The following CACNA2D3 variants were observed in gnomAD, a reference collection of about 807,000 sequenced individuals.
CACNA2D3 encodes the protein calcium voltage-gated channel auxiliary subunit alpha2delta 3.
In CACNA2D3, 60 loss-of-function variants were observed where a neutral mutation model predicts 160.6. The ratio of observed to expected loss-of-function variants is 0.37; its 90% CI spans 0.30 to 0.46. The LOEUF is 0.46. Among genes scored for constraint, CACNA2D3 ranks in the 20% least tolerant of loss-of-function variants. The pLI is 1.00. For synonymous variants in CACNA2D3, 558 were observed against 492.9 expected (o/e 1.13, Z -1.75); for missense variants, 1,205 against 1,365.0 (o/e 0.88, Z 1.85).
intron 22 of CACNA2D3, 55 bp downstream of exon 22, chr3:54,885,381 T>C: frequency 1.9e-6 from 3 of 1,608,164 alleles, no homozygotes; most frequent in Non-Finnish European, 2.6e-6. Flanking sequence ...CCCTCTTTGA[T>C]TCCACATGGT....
intron 4 of CACNA2D3, among the ~76,000 whole-genome samples, chr3:54,452,218 G>T (rs577918815): frequency 6.6e-6 from 1 of 152,290 alleles, no homozygotes; most frequent in Admixed American, 6.5e-5. Context: ...AGGCAAAGGA[G>T]AAACAAAGGA....
chr3:54,759,831 G>A (rs1202691421), intron 12 of CACNA2D3, among the ~76,000 whole-genome samples: 3 of 152,170 alleles, frequency 2.0e-5, no homozygotes, highest in Admixed American at 6.5e-5. Context: ...AGCGAAAGAG[G>A]CAGTGTCTTC....
intron 11 of CACNA2D3, among the ~76,000 whole-genome samples, chr3:54,741,044 C>T (rs1701638431): frequency 6.6e-6 from 1 of 152,096 alleles, no homozygotes; most frequent in Non-Finnish European, 1.5e-5. Flanking sequence ...CAGCTGTGCC[C>T]AAGGCCAAGT....
chr3:54,730,038 C>T (rs1289827674), intron 11 of CACNA2D3, among the ~76,000 whole-genome samples: 2 of 151,112 alleles, frequency 1.3e-5, no homozygotes, highest in African/African-American at 4.9e-5. Flanking sequence ...TTTATGGAGG[C>T]CTTTTTATTT....
chr3:54,926,941 A>C (rs1450614342), intron 27 of CACNA2D3, among the ~76,000 whole-genome samples: 2 of 152,230 alleles, frequency 1.3e-5, no homozygotes, highest in East Asian at 1.9e-4. Flanking sequence ...GTCATTCACC[A>C]AAGTAGCTGT....
chr3:54,995,215 C>A (rs1005135073), intron 31 of CACNA2D3, among the ~76,000 whole-genome samples: 1 of 152,108 alleles, frequency 6.6e-6, no homozygotes, highest in African/African-American at 2.4e-5. Context: ...CTCAGGTGAT[C>A]CAACTGCCTC....
intron 13 of CACNA2D3, among the ~76,000 whole-genome samples, chr3:54,811,021 G>A (rs1526593): frequency 0.038 from 5,765 of 152,192 alleles, 391 homozygotes; most frequent in African/African-American, 0.13. Flanking sequence ...CTGGTGGGAT[G>A]TCCCCGATTG....
intron 2 of CACNA2D3, among the ~76,000 whole-genome samples, chr3:54,180,266 G>T (rs1322825123): frequency 2.0e-5 from 3 of 152,070 alleles, no homozygotes; most frequent in African/African-American, 7.2e-5. Flanking sequence ...CTTTCAGTTG[G>T]CCAGGTGGGA....
chr3:54,308,437 A>G (rs547841176), intron 2 of CACNA2D3, among the ~76,000 whole-genome samples: 22 of 152,132 alleles, frequency 1.4e-4, no homozygotes, highest in Admixed American at 4.6e-4. Context: ...CTCTCCCCCA[A>G]TCGGCTGGCT....
intron 27 of CACNA2D3, among the ~76,000 whole-genome samples, chr3:54,930,834 G>C (rs765520505): frequency 6.6e-6 from 1 of 152,150 alleles, no homozygotes; most frequent in African/African-American, 2.4e-5. Context: ...GGTGGCTCAC[G>C]CCTGTAATCC....
intron 16 of CACNA2D3, among the ~76,000 whole-genome samples, chr3:54,843,304 G>A (rs1169238091): frequency 6.6e-6 from 1 of 152,170 alleles, no homozygotes; most frequent in Non-Finnish European, 1.5e-5. Flanking sequence ...AGTGATGATG[G>A]TATGGAAAGG....
At chr3:54,320,890 A>C (rs1413137407) in intron 3 of CACNA2D3, among the ~76,000 whole-genome samples, 1 of 152,248 alleles carries the variant, frequency 6.6e-6, no homozygotes, top group Non-Finnish European at 1.5e-5. Context: ...CTAGGGTTCA[A>C]CTAAGCTCTA....
At chr3:54,746,226 T>C (rs1357215972) in intron 11 of CACNA2D3, among the ~76,000 whole-genome samples, 1 of 152,340 alleles carries the variant, frequency 6.6e-6, no homozygotes, top group African/African-American at 2.4e-5. Context: ...CCAACCCTTA[T>C]CTTCTGCTTA....
At chr3:54,523,236 G>T (rs1701674821) in intron 5 of CACNA2D3, among the ~76,000 whole-genome samples, 1 of 152,070 alleles carries the variant, frequency 6.6e-6, no homozygotes, top group Admixed American at 6.6e-5. Context: ...TTTGTTGAGG[G>T]TTGTTTTTAA....
At chr3:54,406,418 T>TATACACACACATTG (rs1380111608) in intron 4 of CACNA2D3, among the ~76,000 whole-genome samples, 1 of 152,122 alleles carries the variant, frequency 6.6e-6, no homozygotes, top group Non-Finnish European at 1.5e-5. Context: ...CCATTGTGTA[T>TATACACACACATTG]ATACACACAC....
intron 4 of CACNA2D3, among the ~76,000 whole-genome samples, chr3:54,454,026 T>A (rs981515912): frequency 6.6e-6 from 1 of 152,158 alleles, no homozygotes; most frequent in Non-Finnish European, 1.5e-5. Context: ...CTAGCACTGA[T>A]GTCCTTCTAA....
At chr3:54,421,954 A>C (rs1699842081) in intron 4 of CACNA2D3, among the ~76,000 whole-genome samples, 1 of 152,000 alleles carries the variant, frequency 6.6e-6, no homozygotes, top group Admixed American at 6.6e-5. Flanking sequence ...ATCACCTCTC[A>C]GTTTTGTCCA....
intron 4 of CACNA2D3, among the ~76,000 whole-genome samples, chr3:54,449,252 C>T (rs1700268165): frequency 6.6e-6 from 1 of 152,110 alleles, no homozygotes; most frequent in Non-Finnish European, 1.5e-5. Flanking sequence ...TTGATACAAA[C>T]AACATAAAAG....
At position 54,457,599 on chromosome 3, in the gene CACNA2D3, AT is replaced by A. The variant is rs988093041; in HGVS notation, c.382-45885del. 2.0e-5 allele frequency among the ~76,000 whole-genome samples: 3 copies of A among 151,812 alleles called. No homozygotes were observed. In the East Asian group the frequency reaches 5.8e-4, roughly 29 times the overall value. On this transcript the variant is annotated intron_variant, in intron 4 of 37. Transcript: ENST00000474759. ...TGGTCTATAACACAGCTTATATTGG[AT>A]TTTTTTTATTGATTTTCTGTATAGA... is the stretch of plus-strand genomic sequence containing the variant.
Sources: gnomAD v4.1 joint callset for allele counts (sites outside exome capture counted in the v4.1 genomes callset) on GRCh38, gnomAD v4.1.1 for gene constraint, MANE v1.5 for transcripts, NCBI Gene and HGNC (gene_info 2026-07-23, HGNC 2026-07-21) for gene names.